Variants in FHIT observed in about 807,000 individuals in gnomAD.
The protein encoded by FHIT is fragile histidine triad diadenosine triphosphatase, also known as bis(5'-adenosyl)-triphosphatase.
A neutral mutation model predicts 17.9 loss-of-function variants in FHIT; 19 were observed. The ratio of observed to expected loss-of-function variants is 1.06; its 90% CI spans 0.74 to 1.56. The LOEUF is 1.56. Ranked by LOEUF, FHIT falls within the 40% of genes most tolerant of loss-of-function variation. The probability of loss-of-function intolerance (pLI) is 0.00; values close to 1 mark genes in which losing one functional copy is unlikely to be tolerated. For synonymous variants in FHIT, 81 were observed against 69.7 expected, an observed-to-expected ratio of 1.16 and a Z score of -0.81; for missense variants, 248 against 189.2, an observed-to-expected ratio of 1.31 and a Z score of -1.82.
At chr3:59,870,626 G>A (rs1702874743) in intron 8 of FHIT, among the ~76,000 whole-genome samples, 1 of 152,184 alleles carries the variant, frequency 6.6e-6, no homozygotes, top group Admixed American at 6.5e-5. Flanking sequence ...GGAAGAACCT[G>A]CAAGGTGCAA....
chr3:60,660,787 T>G (rs2107824247), intron 4 of FHIT, among the ~76,000 whole-genome samples: 1 of 143,030 alleles, frequency 7.0e-6, no homozygotes, highest in Non-Finnish European at 1.5e-5. Flanking sequence ...TGTCTCTTCA[T>G]GTTTTTTGCC....
At chr3:60,953,814 G>C (rs1553777960) in intron 3 of FHIT, among the ~76,000 whole-genome samples, 1 of 152,142 alleles carries the variant, frequency 6.6e-6, no homozygotes, top group Non-Finnish European at 1.5e-5. Flanking sequence ...AGACGAGAAG[G>C]GTGCCAGATT....
At chr3:60,694,934 G>A (rs1339704344) in intron 4 of FHIT, among the ~76,000 whole-genome samples, 1 of 151,976 alleles carries the variant, frequency 6.6e-6, no homozygotes, top group Non-Finnish European at 1.5e-5. Flanking sequence ...GGGTGGGAGG[G>A]ATAGCATTAG....
At chr3:60,583,054 G>A (rs772934602) in intron 4 of FHIT, among the ~76,000 whole-genome samples, 12 of 151,816 alleles carry the variant, frequency 7.9e-5, no homozygotes, top group South Asian at 2.1e-4. Flanking sequence ...TAAGACAAGC[G>A]TCTAAATCAG....
rs567790918 is a variant in FHIT at position 61,143,313 on chromosome 3, T to C, written c.-164+57304A>G. ...ACTTGGTATAAGTTTCTAATGTTTATGTATAGTGTATGTTTATATGTATGT... is the reference window on the plus strand; with the variant it reads ...ACTTGGTATAAGTTTCTAATGTTTACGTATAGTGTATGTTTATATGTATGT... On this transcript the variant is annotated intron_variant, in intron 2 of 9. Transcript: ENST00000492590. 2.2e-3 allele frequency among the ~76,000 whole-genome samples: 328 copies of C among 152,332 alleles called. 1 individual carries two copies. The highest frequency in any genetic ancestry group is 3.6e-3 in the Non-Finnish European group (248 of 68,018).
intron 4 of FHIT, among the ~76,000 whole-genome samples, chr3:60,673,426 A>T (rs2040554163): frequency 6.6e-6 from 1 of 152,092 alleles, no homozygotes. Flanking sequence ...CAGAAAACCA[A>T]ACACTGCATG....
chr3:60,693,230 T>A (rs1453616502), intron 4 of FHIT, among the ~76,000 whole-genome samples: 2 of 152,212 alleles, frequency 1.3e-5, no homozygotes, highest in African/African-American at 4.8e-5. Context: ...TCCACCTAAG[T>A]CACTCCCTCA....
At chr3:60,789,362 C>CA (rs1193468045) in intron 4 of FHIT, among the ~76,000 whole-genome samples, 3 of 151,916 alleles carry the variant, frequency 2.0e-5, no homozygotes, top group African/African-American at 7.3e-5. Flanking sequence ...ACTGAAAATA[C>CA]AAAAAATTAG....
intron 4 of FHIT, among the ~76,000 whole-genome samples, chr3:60,800,058 G>A (rs1701134219): frequency 6.7e-6 from 1 of 150,006 alleles, no homozygotes; most frequent in African/African-American, 2.4e-5. Flanking sequence ...CTAGCATGAA[G>A]CCTTTATTCC....
At chr3:60,984,556 G>A (rs1482118854) in intron 3 of FHIT, among the ~76,000 whole-genome samples, 1 of 152,164 alleles carries the variant, frequency 6.6e-6, no homozygotes, top group Admixed American at 6.6e-5. Flanking sequence ...AAGCCTTAGT[G>A]GTGATCTAAC....
chr3:60,924,503 T>G (rs1450423899), intron 3 of FHIT, among the ~76,000 whole-genome samples: 1 of 152,180 alleles, frequency 6.6e-6, no homozygotes, highest in Non-Finnish European at 1.5e-5. Context: ...GAGTCCTGAC[T>G]GTTAGAAGGA....
intron 1 of FHIT, among the ~76,000 whole-genome samples, chr3:61,203,588 T>C (rs2039104149): frequency 6.6e-6 from 1 of 152,152 alleles, no homozygotes; most frequent in Admixed American, 6.5e-5. Context: ...AGCATGATGG[T>C]AAATCTGGTA....
At chr3:61,018,063 C>T (rs2032212212) in intron 3 of FHIT, among the ~76,000 whole-genome samples, 1 of 152,074 alleles carries the variant, frequency 6.6e-6, no homozygotes, top group African/African-American at 2.4e-5. Context: ...TTACTATGTG[C>T]CAGGTACTAT....
chr3:59,797,436 C>A (rs1699821855), intron 8 of FHIT, among the ~76,000 whole-genome samples: 1 of 152,210 alleles, frequency 6.6e-6, no homozygotes, highest in Non-Finnish European at 1.5e-5. Context: ...ATCCGACCAC[C>A]TTGGCCTCCC....
intron 4 of FHIT, among the ~76,000 whole-genome samples, chr3:60,666,186 A>G (rs2040378605): frequency 6.6e-6 from 1 of 152,184 alleles, no homozygotes; most frequent in Non-Finnish European, 1.5e-5. Flanking sequence ...TGTCTTTCCA[A>G]TGTTCTTTCT....
Position 60,056,918 on chromosome 3 carries a change from C to T in FHIT, c.104-42766G>A, listed in dbSNP as rs371458777. Reference sequence around the variant, plus strand: ...ACCTTTATTCACAGAACAGATGGAGCGGTAATGGTCCCAGAGGCCACTCTT... The same window carrying T: ...ACCTTTATTCACAGAACAGATGGAGTGGTAATGGTCCCAGAGGCCACTCTT... On this transcript the variant is annotated intron_variant, in intron 5 of 9. Transcript: ENST00000492590. Among the ~76,000 whole-genome samples the T allele has an allele frequency of 1.2e-4, 19 of 152,198 alleles. No homozygotes were observed. In the South Asian group the frequency reaches 3.7e-3, roughly 30 times the overall value.
intron 5 of FHIT, among the ~76,000 whole-genome samples, chr3:60,062,977 A>G (rs183154506): frequency 9.2e-5 from 14 of 152,290 alleles, no homozygotes; most frequent in Admixed American, 7.2e-4. Flanking sequence ...ACTGAGGAGC[A>G]AGAAATGTTC....
At chr3:61,205,577 G>C (rs2039198102) in intron 1 of FHIT, among the ~76,000 whole-genome samples, 1 of 152,144 alleles carries the variant, frequency 6.6e-6, no homozygotes, top group African/African-American at 2.4e-5. Flanking sequence ...GGCCAGTGAT[G>C]GTGAGCATTT....
At chr3:60,068,734 T>C (rs2630177) in intron 5 of FHIT, among the ~76,000 whole-genome samples, 50,821 of 152,116 alleles carry the variant, frequency 0.33, 9,810 homozygotes, top group African/African-American at 0.53. Context: ...GTAAAAATGC[T>C]CAATGAAACA....
Sources: gnomAD v4.1 joint callset for allele counts (sites outside exome capture counted in the v4.1 genomes callset) on GRCh38, gnomAD v4.1.1 for gene constraint, MANE v1.5 for transcripts, NCBI Gene and HGNC (gene_info 2026-07-23, HGNC 2026-07-21) for gene names.